Variants in SGSM3 observed in about 807,000 individuals in gnomAD.
The protein encoded by SGSM3 is small G protein signaling modulator 3.
SGSM3 carries 96 observed loss-of-function variants against 100.5 expected under a neutral mutation model. The observed-to-expected ratio is 0.96, with a 90% CI of 0.81 to 1.13. The LOEUF (loss-of-function observed/expected upper bound fraction) is 1.13. Among genes scored for constraint, SGSM3 ranks in the 50% most tolerant of loss-of-function variants. SGSM3 has a pLI of 0.00. For synonymous variants in SGSM3, 483 were observed against 422.8 expected (o/e 1.14, Z -1.75); for missense variants, 1,001 against 1,015.8 (o/e 0.99, Z 0.20).
Position 40,408,643 on chromosome 22 carries a change from T to C in SGSM3, c.1799T>C (p.Val600Ala). 6.2e-7 allele frequency: 1 copy of C among 1,613,744 alleles called. No individual in the cohort carries two copies. Among genetic ancestry groups the C allele is most frequent in the Non-Finnish European group, 8.5e-7 (1 of 1,179,972 alleles). ...LFIEEAAGRE[V>A]ERDFASVYSR... ...TCCCCACAGGCTGCAGGCCGGGAGG[T>C]CGAGAGAGACTTTGCCTCCGTGTAT... The change falls in exon 17 of 22, where the codon GTC (valine) becomes GCC (alanine). Residue 600 changes from valine (V) to alanine (A), a missense_variant. Physicochemically the swap from Val to Ala is moderately conservative, Grantham distance 64. Coordinates refer to ENST00000248929, the MANE Select transcript of SGSM3 (RefSeq NM_015705.6).
chr22:40,400,548 C>G (rs2050614326), intron 1 of SGSM3, 148 bp from the exon 2 acceptor site: 2 of 349,270 alleles, frequency 5.7e-6, no homozygotes. Context: ...GAGGCCGAGG[C>G]AGAAGAATCT....
chr22:40,402,365 T>C (rs1295268746), intron 4 of SGSM3, among the ~76,000 whole-genome samples, 160 bp downstream of exon 4: 1 of 152,174 alleles, frequency 6.6e-6, no homozygotes, highest in Non-Finnish European at 1.5e-5. Context: ...CTCATAAGTA[T>C]GGGAGACTTC....
rs943043806 is a variant in SGSM3 at position 40,410,040 on chromosome 22, G to GGGAT, written c.*284_*287dup. 2 of 1,310,166 alleles carry GGGAT rather than the reference G, an allele frequency of 1.5e-6. No homozygotes were observed. The highest frequency in any genetic ancestry group is 6.3e-5 in the East Asian group (2 of 31,894). 81.2% of individuals were successfully genotyped at this position (1,310,166 alleles called of 1,614,324 possible). On this transcript the variant is annotated 3_prime_UTR_variant, in exon 22 of 22. Coordinates refer to ENST00000248929, the MANE Select transcript of SGSM3 (RefSeq NM_015705.6). ...ATGTCTGTGCTCAGGAAGAGGGAAG[G>GGGAT]GGATGGGGGTGGCTAGTAGGCTCCT...
At chr22:40,404,804 G>C (rs2051232940) in intron 6 of SGSM3, 140 bp downstream of exon 6, 3 of 680,716 alleles carry the variant, frequency 4.4e-6, no homozygotes, top group Non-Finnish European at 7.5e-6. Context: ...TCCTCTGCAG[G>C]CCAAAGAAAG....
At chr22:40,393,825 C>T (rs2049691664) in intron 1 of SGSM3, among the ~76,000 whole-genome samples, 1 of 152,206 alleles carries the variant, frequency 6.6e-6, no homozygotes, top group Non-Finnish European at 1.5e-5. Flanking sequence ...GACCTAATCC[C>T]ATTGATGTGG....
rs1030960037 is a variant in SGSM3 at position 40,410,096 on chromosome 22, T to A, written c.*337T>A. ...CTTTGGTTTATAAATAAACTGTGTC[T>A]GTCTTTGAGAAAGCACCTACCTGTC... On this transcript the variant is annotated 3_prime_UTR_variant, in exon 22 of 22. Coordinates refer to ENST00000248929, the MANE Select transcript of SGSM3 (RefSeq NM_015705.6). 1 of 1,194,738 alleles carries A rather than the reference T, an allele frequency of 8.4e-7. No homozygotes were observed. Among genetic ancestry groups the A allele is most frequent in the Admixed American group, 4.5e-5 (1 of 22,240 alleles). The allele number at this position is 1,194,738 out of a possible 1,614,324, so 74.0% of individuals were successfully genotyped here. A position where few individuals can be genotyped will look rare whatever the true frequency, so the allele number is the denominator to read the frequency against.
rs942288648 is a variant in SGSM3 at position 40,409,925 on chromosome 22, A to G, written c.*166A>G. 1 of 1,410,194 alleles carries G rather than the reference A, an allele frequency of 7.1e-7. No homozygotes were observed. The highest frequency in any genetic ancestry group is 9.2e-7 in the Non-Finnish European group (1 of 1,088,464). 87.4% of individuals were successfully genotyped at this position (1,410,194 alleles called of 1,614,324 possible). A position where few individuals can be genotyped will look rare whatever the true frequency, so the allele number is the denominator to read the frequency against. On this transcript the variant is annotated 3_prime_UTR_variant, in exon 22 of 22. Coordinates refer to ENST00000248929, the MANE Select transcript of SGSM3 (RefSeq NM_015705.6). Reference sequence around the variant, plus strand: ...CCAGCACATCCCAGGTGGTGGGAGCAGAGGGTACCCTGCCCCACCAGGGTC... The same window carrying G: ...CCAGCACATCCCAGGTGGTGGGAGCGGAGGGTACCCTGCCCCACCAGGGTC...
chr22:40,397,063 G>A (rs1246187158), intron 1 of SGSM3, among the ~76,000 whole-genome samples: 1 of 152,144 alleles, frequency 6.6e-6, no homozygotes, highest in Non-Finnish European at 1.5e-5. Flanking sequence ...CTAACTCTCT[G>A]GGCTGTTCCT....
At chr22:40,401,485 A>G (rs771042175) in intron 2 of SGSM3, 108 bp from the exon 3 acceptor site, 12 of 765,058 alleles carry the variant, frequency 1.6e-5, no homozygotes, top group South Asian at 6.8e-5. Flanking sequence ...ACCTCAGGTG[A>G]TCTGCCCACC....
At chr22:40,375,686 A>G (rs2046432428) in intron 1 of SGSM3, among the ~76,000 whole-genome samples, 1 of 151,736 alleles carries the variant, frequency 6.6e-6, no homozygotes, top group Non-Finnish European at 1.5e-5. Flanking sequence ...TTTCACTACA[A>G]CAAAATTATG....
intron 10 of SGSM3, 137 bp downstream of exon 10, chr22:40,406,799 A>T: frequency 1.1e-6 from 1 of 896,858 alleles, no homozygotes; most frequent in Non-Finnish European, 1.7e-6. Context: ...CAGTCAGACC[A>T]CAGCTGTGGG....
chr22:40,391,478 G>A (rs2049354002), intron 1 of SGSM3, among the ~76,000 whole-genome samples: 1 of 152,152 alleles, frequency 6.6e-6, no homozygotes, highest in Non-Finnish European at 1.5e-5. Context: ...TGGTGTGGTG[G>A]TGCACACCTG....
intron 1 of SGSM3, among the ~76,000 whole-genome samples, chr22:40,386,899 C>T (rs1041162362): frequency 2.0e-5 from 3 of 152,020 alleles, no homozygotes; most frequent in Non-Finnish European, 2.9e-5. Flanking sequence ...AGAATTCTCT[C>T]CTAATTTATC....
At chr22:40,376,863 A>G (rs755758611) in intron 1 of SGSM3, among the ~76,000 whole-genome samples, 1 of 152,208 alleles carries the variant, frequency 6.6e-6, no homozygotes, top group Non-Finnish European at 1.5e-5. Flanking sequence ...GGCTGTGACA[A>G]GCATTTACGG....
chr22:40,387,072 A>G (rs1470407723), intron 1 of SGSM3: 1 of 394,546 alleles, frequency 2.5e-6, no homozygotes, highest in Non-Finnish European at 4.5e-6. Context: ...TGCAAAGTTG[A>G]TAACTAGAGT....
intron 3 of SGSM3, 67 bp from the exon 4 acceptor site, chr22:40,402,072 C>G: frequency 8.2e-7 from 1 of 1,216,454 alleles, no homozygotes; most frequent in Non-Finnish European, 1.2e-6. Context: ...CTGTGGGTGG[C>G]ATCTTTCAGA....
At chr22:40,377,207 G>C (rs1432776582) in intron 1 of SGSM3, among the ~76,000 whole-genome samples, 1 of 152,234 alleles carries the variant, frequency 6.6e-6, no homozygotes, top group Non-Finnish European at 1.5e-5. Context: ...CAACTAGGTG[G>C]TAGGCACATG....
intron 18 of SGSM3, 32 bp downstream of exon 18, chr22:40,408,874 A>G (rs374987900): frequency 3.1e-6 from 5 of 1,613,494 alleles, no homozygotes; most frequent in Middle Eastern, 1.6e-4. Flanking sequence ...GACCCTAGAG[A>G]CCTCTCTGGG....
rs569195762 is a variant in SGSM3, at chr22:40,408,467, C to T, written c.1782+38C>T. The T allele has an allele frequency of 5.0e-6, 8 of 1,611,804 alleles. No homozygotes were observed. In the African/African-American group the frequency reaches 8.0e-5, roughly 16 times the overall value. On this transcript the variant is annotated intron_variant, in intron 16 of 21. Transcript: ENST00000248929. ...CTGGGCCCATGACCCCCACCCTGCA[C>T]CAGCCCTGCTGTGCCCCCTAGTACC...
Sources: allele counts gnomAD v4.1 joint callset (sites outside exome capture counted in the v4.1 genomes callset), GRCh38; gene constraint gnomAD v4.1.1; transcripts MANE v1.5; gene names NCBI Gene and HGNC (gene_info 2026-07-23, HGNC 2026-07-21).